CRPPA: variants seen among roughly 807,000 people sequenced by gnomAD.
CRPPA encodes D-ribitol-5-phosphate cytidylyltransferase.
In CRPPA, 43 loss-of-function variants were observed where a neutral mutation model predicts 52.0. The observed-to-expected ratio is 0.83, with a 90% CI of 0.65 to 1.07. The LOEUF (loss-of-function observed/expected upper bound fraction) is 1.07, where lower values mean the gene tolerates loss of function less well. Ranked by LOEUF, CRPPA falls within the 50% of genes least tolerant of loss-of-function variation. CRPPA has a pLI of 0.00. For synonymous variants in CRPPA, 250 were observed against 203.5 expected, an observed-to-expected ratio of 1.23 and a Z score of -1.94; for missense variants, 629 against 551.7, an observed-to-expected ratio of 1.14 and a Z score of -1.40.
intron 9 of CRPPA, among the ~76,000 whole-genome samples, chr7:16,199,410 C>T (rs1344418997): frequency 1.3e-5 from 2 of 151,940 alleles, no homozygotes; most frequent in African/African-American, 4.8e-5. Context: ...GTCCAAAAAC[C>T]TTAATTTAAA....
chr7:16,351,945 A>G (rs1786165894), intron 3 of CRPPA, among the ~76,000 whole-genome samples: 1 of 152,168 alleles, frequency 6.6e-6, no homozygotes, highest in Non-Finnish European at 1.5e-5. Context: ...ATCATTCTAC[A>G]ATAAAGACAC....
intron 6 of CRPPA, among the ~76,000 whole-genome samples, chr7:16,264,200 T>C (rs535539512): frequency 6.6e-6 from 1 of 152,158 alleles, no homozygotes; most frequent in South Asian, 2.1e-4. Flanking sequence ...AGGTTGTTTA[T>C]ATATAAAAAA....
At chr7:16,369,070 A>G (rs1186881486) in intron 3 of CRPPA, among the ~76,000 whole-genome samples, 1 of 152,204 alleles carries the variant, frequency 6.6e-6, no homozygotes, top group African/African-American at 2.4e-5. Flanking sequence ...TGAACAAGAC[A>G]AAGTCCCTGT....
At chr7:16,355,781 G>A (rs558101293) in intron 3 of CRPPA, among the ~76,000 whole-genome samples, 1 of 152,162 alleles carries the variant, frequency 6.6e-6, no homozygotes, top group Non-Finnish European at 1.5e-5. Context: ...TGGGTGTTGA[G>A]ATAGCAGGGT....
At chr7:16,344,565 C>A (rs929613105) in intron 3 of CRPPA, among the ~76,000 whole-genome samples, 1 of 151,652 alleles carries the variant, frequency 6.6e-6, no homozygotes, top group African/African-American at 2.4e-5. Flanking sequence ...AAAGAATGAG[C>A]CTATTTATGG....
chr7:16,332,231 G>A (rs1205739108), intron 3 of CRPPA, among the ~76,000 whole-genome samples: 5 of 152,042 alleles, frequency 3.3e-5, no homozygotes, highest in Non-Finnish European at 7.4e-5. Context: ...AAGGGAAGGA[G>A]GAATAAACAT....
At chr7:16,097,868 G>C (rs917559595) in intron 9 of CRPPA, among the ~76,000 whole-genome samples, 4 of 152,104 alleles carry the variant, frequency 2.6e-5, no homozygotes, top group Admixed American at 2.0e-4. Flanking sequence ...CTGAAGTAAT[G>C]TAAATTACTA....
At chr7:16,320,466 T>C (rs1785238119) in intron 3 of CRPPA, among the ~76,000 whole-genome samples, 1 of 152,176 alleles carries the variant, frequency 6.6e-6, no homozygotes, top group South Asian at 2.1e-4. Context: ...TAGAAACCGT[T>C]GTTTTATGGT....
chr7:16,187,957 T>C (rs558797363), intron 9 of CRPPA, among the ~76,000 whole-genome samples: 1 of 152,194 alleles, frequency 6.6e-6, no homozygotes, highest in South Asian at 2.1e-4. Context: ...GAAGAGTGTT[T>C]CAGGCTGTAA....
At chr7:16,107,695 G>C (rs543304474) in intron 9 of CRPPA, among the ~76,000 whole-genome samples, 121 of 152,048 alleles carry the variant, frequency 8.0e-4, no homozygotes, top group Non-Finnish European at 1.6e-3. Flanking sequence ...AATTGTATAA[G>C]TAAAACAGTC....
chr7:16,166,221 T>C (rs1781061589), intron 9 of CRPPA, among the ~76,000 whole-genome samples: 1 of 152,228 alleles, frequency 6.6e-6, no homozygotes, highest in African/African-American at 2.4e-5. Flanking sequence ...TAAATGGTTC[T>C]TTGTGACAGC....
At chr7:16,278,317 G>C in intron 5 of CRPPA, 91 bp from the exon 6 acceptor site, 2 of 666,694 alleles carry the variant, frequency 3.0e-6, no homozygotes, top group Non-Finnish European at 2.6e-6. Flanking sequence ...GATGTTCTTA[G>C]CTGTTGACCA....
rs1006849235 is a variant in CRPPA, at chr7:16,398,849, C to T, written c.534+7212G>A. Among the ~76,000 whole-genome samples the T allele has an allele frequency of 1.2e-4, 19 of 152,210 alleles. No individual in the cohort carries two copies. The Middle Eastern group carries it at 0.01, about 82-fold the overall frequency. ...TTTGACACGTGACTGACGCGATTTA[C>T]GTAACTGGCATGTGTCCAACACGTG... On this transcript the variant is annotated intron_variant, in intron 2 of 9. Transcript: ENST00000407010.
chr7:16,088,921 G>A lies in CRPPA; in HGVS notation c.*2774C>T, dbSNP rs952875899. 1 of 194,606 alleles carries A rather than the reference G, an allele frequency of 5.1e-6. No individual in the cohort carries two copies. The highest frequency in any genetic ancestry group is 1.1e-5 in the Non-Finnish European group (1 of 90,902). The allele number at this position is 194,606 out of a possible 1,614,324, so 12.1% of individuals were successfully genotyped here. ...TCAGTGCCTCTGGCTTATATATCAC[G>A]TCTTATATATCAGACGTGGCTTATA... On this transcript the variant is annotated 3_prime_UTR_variant, in exon 10 of 10. Transcript: ENST00000407010.
At chr7:16,096,172 T>C (rs1164458852) in intron 9 of CRPPA, among the ~76,000 whole-genome samples, 1 of 152,166 alleles carries the variant, frequency 6.6e-6, no homozygotes, top group African/African-American at 2.4e-5. Flanking sequence ...AAATTTCATA[T>C]TCCTTAGAGG....
intron 8 of CRPPA, among the ~76,000 whole-genome samples, chr7:16,242,971 T>C (rs1415795935): frequency 6.6e-6 from 1 of 152,230 alleles, no homozygotes; most frequent in African/African-American, 2.4e-5. Context: ...AAATCTGCTT[T>C]ACTTCAAGTA....
intron 9 of CRPPA, among the ~76,000 whole-genome samples, chr7:16,194,908 G>A (rs1025775794): frequency 1.3e-5 from 2 of 151,562 alleles, no homozygotes; most frequent in Admixed American, 1.3e-4. Flanking sequence ...TTGGGAGGTG[G>A]CTTCTTGGAA....
At chr7:16,334,175 T>C (rs1562637728) in intron 3 of CRPPA, among the ~76,000 whole-genome samples, 2 of 152,176 alleles carry the variant, frequency 1.3e-5, no homozygotes, top group Non-Finnish European at 2.9e-5. Context: ...GTGCAGTCCA[T>C]GGGTCTTCCC....
At chr7:16,331,987 C>T (rs1785562058) in intron 3 of CRPPA, among the ~76,000 whole-genome samples, 1 of 152,134 alleles carries the variant, frequency 6.6e-6, no homozygotes, top group African/African-American at 2.4e-5. Flanking sequence ...CCCAGAAGCT[C>T]AGTGAACACC....
Sources: allele counts gnomAD v4.1 joint callset (sites outside exome capture counted in the v4.1 genomes callset), GRCh38; gene constraint gnomAD v4.1.1; transcripts MANE v1.5; gene names NCBI Gene and HGNC (gene_info 2026-07-23, HGNC 2026-07-21).